Variants in PTPRD observed in about 807,000 individuals in gnomAD.
The protein encoded by PTPRD is protein tyrosine phosphatase receptor type D, also known as receptor-type tyrosine-protein phosphatase delta.
A neutral mutation model predicts 214.5 loss-of-function variants in PTPRD; 34 were observed. That is an observed-to-expected ratio of 0.16 (90% CI 0.12 to 0.21). The LOEUF is 0.21. PTPRD is among the 10% of genes least tolerant of loss of function. The pLI, the probability that PTPRD is intolerant of heterozygous loss-of-function variation, is 1.00. For missense variants in PTPRD, 2,545 were observed against 2,398.7 expected, an observed-to-expected ratio of 1.06 and a Z score of -1.27; for synonymous variants, 1,128 against 845.7, an observed-to-expected ratio of 1.33 and a Z score of -5.79.
At position 8,338,886 on chromosome 9, in the gene PTPRD, G is replaced by A. The variant is rs150903419; in HGVS notation, c.5379+36C>T. ...GAGAGGTATCTTAGACTACTTTTCA[G>A]CTAATGGTTAAGAGTTGAAGACTGT... On this transcript the variant is annotated intron_variant, in intron 43 of 45. Transcript: ENST00000381196. 11,194 of 1,440,380 alleles carry A rather than the reference G, an allele frequency of 7.8e-3. 63 individuals are homozygous for A. The highest frequency in any genetic ancestry group is 8.6e-3 in the Non-Finnish European group (9,048 of 1,056,070). 89.2% of individuals were successfully genotyped at this position (1,440,380 alleles called of 1,614,324 possible).
intron 8 of PTPRD, among the ~76,000 whole-genome samples, chr9:9,562,743 C>T (rs1176482223): frequency 2.0e-5 from 3 of 152,152 alleles, no homozygotes; most frequent in East Asian, 1.9e-4. Flanking sequence ...CTCTAAGCAT[C>T]CTATTTACAA....
At position 8,953,460 on chromosome 9, in the gene PTPRD, C is replaced by T. The variant is rs148472992; in HGVS notation, c.-104+65237G>A. On this transcript the variant is annotated intron_variant, in intron 11 of 45. Transcript: ENST00000381196. ...CCTTGGCAAAGAATTTGTAGCTAAG[C>T]CCTCAAAAGCAATGGCAACAAAAAC... Among the ~76,000 whole-genome samples the T allele has an allele frequency of 1.8e-3, 270 of 151,800 alleles. 1 individual carries two copies. The highest frequency in any genetic ancestry group is 6.3e-3 in the African/African-American group (263 of 41,466).
intron 5 of PTPRD, among the ~76,000 whole-genome samples, chr9:9,843,111 C>A (rs1218062642): frequency 6.6e-6 from 1 of 151,966 alleles, no homozygotes; most frequent in African/African-American, 2.4e-5. Context: ...GCTATAATGT[C>A]AGAGTTAAGT....
At chr9:9,517,088 G>C (rs1484546578) in intron 8 of PTPRD, among the ~76,000 whole-genome samples, 1 of 151,992 alleles carries the variant, frequency 6.6e-6, no homozygotes, top group Non-Finnish European at 1.5e-5. Flanking sequence ...AATAATTAGA[G>C]ATATTAACAC....
chr9:8,742,068 T>C (rs1679673379), intron 11 of PTPRD, among the ~76,000 whole-genome samples: 1 of 152,126 alleles, frequency 6.6e-6, no homozygotes, highest in African/African-American at 2.4e-5. Flanking sequence ...TTCATATTAT[T>C]CCCTATATTT....
intron 2 of PTPRD, among the ~76,000 whole-genome samples, chr9:10,405,872 T>C (rs1350281746): frequency 2.6e-5 from 4 of 151,550 alleles, no homozygotes; most frequent in Non-Finnish European, 4.4e-5. Context: ...TAGGAATACA[T>C]AATATAAAAA....
chr9:8,835,818 A>G (rs2097407126), intron 11 of PTPRD, among the ~76,000 whole-genome samples: 2 of 152,176 alleles, frequency 1.3e-5, no homozygotes, highest in African/African-American at 4.8e-5. Context: ...GACCATAGGC[A>G]TGAGCCACTT....
At chr9:9,081,774 T>G (rs1490907425) in intron 10 of PTPRD, among the ~76,000 whole-genome samples, 1 of 152,072 alleles carries the variant, frequency 6.6e-6, no homozygotes, top group African/African-American at 2.4e-5. Flanking sequence ...TTTTTTGATC[T>G]TTGTTGGTTT....
At position 10,358,003 on chromosome 9, in the gene PTPRD, G is replaced by T. The variant is rs10959071; in HGVS notation, c.-599-16986C>A. On this transcript the variant is annotated intron_variant, in intron 2 of 45. Coordinates refer to ENST00000381196, the MANE Select transcript of PTPRD (RefSeq NM_002839.4). The stretch of plus-strand genomic sequence containing the variant: ...ATGATATATCTCCAGGTACTCCATA[G>T]TCAAAAGCACTAACTACTGTGCTCA... Among the ~76,000 whole-genome samples, 1,169 of 152,224 alleles carry T rather than the reference G, an allele frequency of 7.7e-3. 7 individuals carry two copies. Among genetic ancestry groups the T allele is most frequent in the Non-Finnish European group, 0.013 (866 of 67,974 alleles).
rs151246637 is a variant in PTPRD at position 10,249,373 on chromosome 9, C to A, written c.-545+91590G>T. The stretch of plus-strand genomic sequence containing the variant: ...TAACAGGTATGTTAGTTCTCAGCGT[C>A]TCTTCTTGTTTCAAGATCTATAGGA... On this transcript the variant is annotated intron_variant, in intron 3 of 45. Coordinates refer to ENST00000381196, the MANE Select transcript of PTPRD (RefSeq NM_002839.4). Among the ~76,000 whole-genome samples the A allele has an allele frequency of 3.4e-3, 518 of 152,192 alleles. 4 individuals are homozygous for A. Among genetic ancestry groups the A allele is most frequent in the African/African-American group, 0.012 (496 of 41,538 alleles).
intron 5 of PTPRD, among the ~76,000 whole-genome samples, chr9:9,906,144 G>A (rs2077514821): frequency 1.3e-5 from 2 of 151,920 alleles, no homozygotes; most frequent in Non-Finnish European, 1.5e-5. Context: ...ATCTAGTCAT[G>A]GGGGAAGAAG....
chr9:8,646,813 C>T (rs1425739180), intron 12 of PTPRD, among the ~76,000 whole-genome samples: 1 of 152,160 alleles, frequency 6.6e-6, no homozygotes, highest in South Asian at 2.1e-4. Flanking sequence ...TCTTATAACT[C>T]CCAACCATAC....
intron 2 of PTPRD, among the ~76,000 whole-genome samples, chr9:10,343,996 T>G (rs1443209747): frequency 7.1e-6 from 1 of 141,454 alleles, no homozygotes; most frequent in Non-Finnish European, 1.5e-5. Flanking sequence ...TTTTTTTTTT[T>G]TTTTTTTTTT....
chr9:10,087,427 T>C (rs1270294423), intron 3 of PTPRD, among the ~76,000 whole-genome samples: 1 of 151,666 alleles, frequency 6.6e-6, no homozygotes, highest in African/African-American at 2.4e-5. Context: ...ACACTATCTA[T>C]TGAAGATGTG....
intron 11 of PTPRD, among the ~76,000 whole-genome samples, chr9:8,850,238 G>A (rs950816993): frequency 3.3e-5 from 5 of 152,094 alleles, no homozygotes; most frequent in African/African-American, 4.8e-5. Flanking sequence ...AGAGACAAGC[G>A]AGGAAATTTA....
rs1458860151 is a variant in PTPRD at position 8,316,411 on chromosome 9, A to C, written c.*1463T>G. The C allele has an allele frequency of 4.3e-6, 1 of 231,312 alleles. No individual in the cohort carries two copies. Among genetic ancestry groups the C allele is most frequent in the East Asian group, 6.1e-5 (1 of 16,368 alleles). 14.3% of individuals were successfully genotyped at this position (231,312 alleles called of 1,614,324 possible). A position where few individuals can be genotyped will look rare whatever the true frequency, so the allele number is the denominator to read the frequency against. On this transcript the variant is annotated 3_prime_UTR_variant, in exon 46 of 46. Transcript: ENST00000381196. ...GCACTTCCCAGGAATGCTGTATGCC[A>C]CAAAATGTTTCTGACTGAACAGAGT... is the stretch of plus-strand genomic sequence containing the variant.
At chr9:8,840,454 C>A (rs1296988069) in intron 11 of PTPRD, among the ~76,000 whole-genome samples, 1 of 152,186 alleles carries the variant, frequency 6.6e-6, no homozygotes, top group Non-Finnish European at 1.5e-5. Context: ...CATGGAATTG[C>A]AAGTCTATTA....
chr9:10,486,244 G>C (rs896245289), intron 2 of PTPRD, among the ~76,000 whole-genome samples: 1 of 152,154 alleles, frequency 6.6e-6, no homozygotes, highest in African/African-American at 2.4e-5. Flanking sequence ...ATTTTGTCAT[G>C]AAGTCTTTGC....
At chr9:8,875,535 C>G (rs1352025403) in intron 11 of PTPRD, among the ~76,000 whole-genome samples, 1 of 152,022 alleles carries the variant, frequency 6.6e-6, no homozygotes, top group Non-Finnish European at 1.5e-5. Context: ...TAAGAAATTA[C>G]AACTATTTAT....
Sources: allele counts gnomAD v4.1 joint callset (sites outside exome capture counted in the v4.1 genomes callset), GRCh38; gene constraint gnomAD v4.1.1; transcripts MANE v1.5; gene names NCBI Gene and HGNC (gene_info 2026-07-23, HGNC 2026-07-21).